The following LRMDA variants were observed in gnomAD, a reference collection of about 807,000 sequenced individuals.
The protein encoded by LRMDA is leucine-rich melanocyte differentiation-associated protein.
LRMDA carries 18 observed loss-of-function variants against 29.8 expected under a neutral mutation model. The observed-to-expected ratio is 0.60, with a 90% CI of 0.42 to 0.90. The LOEUF (loss-of-function observed/expected upper bound fraction) is 0.90, where lower values mean the gene tolerates loss of function less well. Ranked by LOEUF, LRMDA falls within the 40% of genes least tolerant of loss-of-function variation. LRMDA has a pLI of 0.00. For synonymous variants in LRMDA, 125 were observed against 109.4 expected (o/e 1.14, Z -0.89); for missense variants, 273 against 273.9 (o/e 1.00, Z 0.02).
chr10:75,864,605 C>T (rs1319383131), intron 2 of LRMDA, among the ~76,000 whole-genome samples: 1 of 152,134 alleles, frequency 6.6e-6, no homozygotes, highest in Non-Finnish European at 1.5e-5. Flanking sequence ...GTTTTATCTC[C>T]ATCATTTAAT....
chr10:76,056,753 C>T (rs1464413858), intron 4 of LRMDA, among the ~76,000 whole-genome samples: 1 of 152,184 alleles, frequency 6.6e-6, no homozygotes, highest in Non-Finnish European at 1.5e-5. Flanking sequence ...CAGGCACTCC[C>T]AAGCCTTCCA....
chr10:75,671,354 C>T (rs1418167177), intron 2 of LRMDA, among the ~76,000 whole-genome samples: 1 of 152,114 alleles, frequency 6.6e-6, no homozygotes, highest in Non-Finnish European at 1.5e-5. Flanking sequence ...GGTCATAACC[C>T]CAGATATCTC....
intron 6 of LRMDA, among the ~76,000 whole-genome samples, chr10:76,548,858 T>C (rs1483152803): frequency 1.3e-5 from 2 of 152,232 alleles, no homozygotes; most frequent in East Asian, 3.9e-4. Context: ...TCTGTTAGCC[T>C]AATATTTCTT....
chr10:75,525,549 T>C (rs1000523199), intron 2 of LRMDA, among the ~76,000 whole-genome samples: 1 of 151,974 alleles, frequency 6.6e-6, no homozygotes, highest in Admixed American at 6.5e-5. Flanking sequence ...GAGATAATTG[T>C]ATCTGCAGGC....
intron 5 of LRMDA, among the ~76,000 whole-genome samples, chr10:76,059,604 T>C (rs570234587): frequency 2.1e-4 from 32 of 152,230 alleles, no homozygotes; most frequent in African/African-American, 6.0e-4. Flanking sequence ...TCACCTCCCA[T>C]GAGATTGCAA....
At chr10:76,372,142 T>C (rs1841461765) in intron 6 of LRMDA, among the ~76,000 whole-genome samples, 1 of 152,168 alleles carries the variant, frequency 6.6e-6, no homozygotes, top group South Asian at 2.1e-4. Context: ...TTAACTTTCT[T>C]AGACTTATGT....
chr10:76,095,571 T>C (rs1194056533), intron 5 of LRMDA, among the ~76,000 whole-genome samples: 1 of 152,246 alleles, frequency 6.6e-6, no homozygotes, highest in Non-Finnish European at 1.5e-5. Context: ...TGCCAGACTG[T>C]TTTTCAAAGT....
intron 2 of LRMDA, among the ~76,000 whole-genome samples, chr10:75,640,919 A>G (rs568293688): frequency 2.0e-5 from 3 of 152,356 alleles, no homozygotes; most frequent in African/African-American, 7.2e-5. Flanking sequence ...GCTGAGGTGC[A>G]AGATTCTTCT....
chr10:75,470,966 T>C (rs995489370), intron 2 of LRMDA, among the ~76,000 whole-genome samples: 1 of 152,166 alleles, frequency 6.6e-6, no homozygotes, highest in East Asian at 1.9e-4. Flanking sequence ...GCCCAGCACA[T>C]GTGCTTGGTG....
chr10:76,146,736 A>G (rs1240175875), intron 5 of LRMDA, among the ~76,000 whole-genome samples: 2 of 152,146 alleles, frequency 1.3e-5, no homozygotes, highest in Non-Finnish European at 2.9e-5. Context: ...TTATGATGTT[A>G]GCTGGTTATT....
rs539858879 is a variant in LRMDA, at chr10:76,301,135, C to T, written c.517-23266C>T. Among the ~76,000 whole-genome samples the T allele has an allele frequency of 2.8e-4, 42 of 152,224 alleles. 1 individual carries two copies. In the South Asian group the frequency reaches 3.1e-3, roughly 11 times the overall value. On this transcript the variant is annotated intron_variant, in intron 5 of 6. Transcript: ENST00000611255. The stretch of plus-strand genomic sequence containing the variant: ...GTTATATTAAAAATTTAAAAAATTA[C>T]CATTTCAATTGTTGATACAAAGTAT...
intron 5 of LRMDA, among the ~76,000 whole-genome samples, chr10:76,075,533 T>C (rs1848942982): frequency 6.6e-6 from 1 of 152,272 alleles, no homozygotes. Flanking sequence ...GGAAAACTAA[T>C]ACAGCAGCTC....
intron 2 of LRMDA, among the ~76,000 whole-genome samples, chr10:75,777,852 A>C (rs937272086): frequency 2.0e-5 from 3 of 152,234 alleles, no homozygotes; most frequent in Admixed American, 1.3e-4. Context: ...AGCAGGTGCT[A>C]TAAATATATA....
At chr10:75,862,237 G>A (rs1192626322) in intron 2 of LRMDA, among the ~76,000 whole-genome samples, 2 of 151,668 alleles carry the variant, frequency 1.3e-5, no homozygotes, top group African/African-American at 2.4e-5. Flanking sequence ...TAATGTTTGA[G>A]CATGAAATGA....
intron 2 of LRMDA, among the ~76,000 whole-genome samples, chr10:75,874,427 T>A (rs566843124): frequency 6.6e-6 from 1 of 152,294 alleles, no homozygotes; most frequent in Non-Finnish European, 1.5e-5. Flanking sequence ...GATAAAATTT[T>A]AAAATGGGGC....
At chr10:76,293,168 T>C (rs1464958477) in intron 5 of LRMDA, among the ~76,000 whole-genome samples, 1 of 152,104 alleles carries the variant, frequency 6.6e-6, no homozygotes, top group Non-Finnish European at 1.5e-5. Context: ...TTTAGTAAAG[T>C]CATTGTTTTG....
chr10:75,911,216 T>C (rs933687422), intron 2 of LRMDA, among the ~76,000 whole-genome samples: 5 of 152,096 alleles, frequency 3.3e-5, no homozygotes, highest in African/African-American at 1.2e-4. Context: ...TGCATGGGCT[T>C]ATATTATTAT....
At chr10:76,459,902 AAATTGTGAGTG>A (rs1472275221) in intron 6 of LRMDA, among the ~76,000 whole-genome samples, 2 of 152,128 alleles carry the variant, frequency 1.3e-5, no homozygotes, top group African/African-American at 4.8e-5. Context: ...GAACAATGAG[AAATTGTGAGTG>A]ACAGATGTGC....
intron 6 of LRMDA, among the ~76,000 whole-genome samples, chr10:76,516,711 A>G (rs1255939415): frequency 6.6e-6 from 1 of 152,156 alleles, no homozygotes; most frequent in East Asian, 1.9e-4. Flanking sequence ...TATGGTGTAT[A>G]TGTGCCACAT....
Sources: gnomAD v4.1 joint callset for allele counts (sites outside exome capture counted in the v4.1 genomes callset) on GRCh38, gnomAD v4.1.1 for gene constraint, MANE v1.5 for transcripts, NCBI Gene and HGNC (gene_info 2026-07-23, HGNC 2026-07-21) for gene names.